Variants in KIF4A observed in about 807,000 individuals in gnomAD.
KIF4A encodes the protein chromosome-associated kinesin KIF4A.
Under a neutral mutation model 105.9 loss-of-function variants are expected in KIF4A, and 7 were observed. The observed-to-expected ratio is 0.07, with a 90% CI of 0.04 to 0.12. KIF4A has a LOEUF of 0.12. Ranked by LOEUF, KIF4A falls within the 10% of genes least tolerant of loss-of-function variation. The probability of loss-of-function intolerance (pLI) is 1.00; values close to 1 mark genes in which losing one functional copy is unlikely to be tolerated. For missense variants in KIF4A, 558 were observed against 929.2 expected (o/e 0.60, Z 5.19); for synonymous variants, 281 against 331.3 (o/e 0.85, Z 1.65).
At chrX:70,369,707 T>A (rs1443657574) in intron 15 of KIF4A, among the ~76,000 whole-genome samples, 6 of 111,632 alleles carry the variant, frequency 5.4e-5, no homozygotes. Context: ...CATGACTAAT[T>A]AAGTTAAAAA....
rs760250489 is a variant in KIF4A at position 70,389,300 on chromosome X, C to G, written c.2232+2003C>G. ...ATATTTGTCTGGCCAGGCTCAGTGGCTCATGCCTGTAATCCCAGCACTTTG... is the reference window on the plus strand; with the variant it reads ...ATATTTGTCTGGCCAGGCTCAGTGGGTCATGCCTGTAATCCCAGCACTTTG... On this transcript the variant is annotated intron_variant, in intron 20 of 30. Transcript: ENST00000374403. 3.9e-4 allele frequency among the ~76,000 whole-genome samples: 44 copies of G among 111,824 alleles called. 1 individual carries two copies. Among genetic ancestry groups the G allele is most frequent in the Non-Finnish European group, 7.1e-4 (38 of 53,148 alleles).
At chrX:70,380,029 G>A (rs1450215979) in intron 18 of KIF4A, among the ~76,000 whole-genome samples, 1 of 111,729 alleles carries the variant, frequency 9.0e-6, no homozygotes, top group East Asian at 2.8e-4. Context: ...TAGGCTGGGC[G>A]TGGTGACTCA....
At chrX:70,365,246 T>C (rs997688843) in intron 15 of KIF4A, among the ~76,000 whole-genome samples, 160 of 111,778 alleles carry the variant, frequency 1.4e-3, no homozygotes, top group African/African-American at 4.8e-3. Context: ...CCTTCTCCTG[T>C]CTGATTTCCC....
intron 15 of KIF4A, among the ~76,000 whole-genome samples, chrX:70,372,397 T>C (rs2086142377): frequency 8.9e-6 from 1 of 112,772 alleles, no homozygotes; most frequent in African/African-American, 3.2e-5. Flanking sequence ...TCCCGGCACC[T>C]CGGGAGGCCG....
Position 70,362,914 on chromosome X carries a change from T to G in KIF4A, c.1674+9107T>G, listed in dbSNP as rs188363474. Among the ~76,000 whole-genome samples the G allele has an allele frequency of 4.1e-3, 453 of 111,346 alleles. 3 individuals carry two copies. Among genetic ancestry groups the G allele is most frequent in the African/African-American group, 0.014 (432 of 30,653 alleles). ...TTTTTTCTCTAAGAAATAAAAGCAG[T>G]TTTTAATTCAATTATTTATTTATCT... On this transcript the variant is annotated intron_variant, in intron 15 of 30. Coordinates refer to ENST00000374403, the MANE Select transcript of KIF4A (RefSeq NM_012310.5).
intron 7 of KIF4A, among the ~76,000 whole-genome samples, chrX:70,323,857 C>T (rs1032136819): frequency 1.2e-5 from 1 of 86,252 alleles, no homozygotes; most frequent in Admixed American, 1.3e-4. Context: ...TATTTGAGAC[C>T]GAGTCTTGCT....
chrX:70,325,763 A>G (rs1157202211), intron 7 of KIF4A, among the ~76,000 whole-genome samples: 1 of 105,650 alleles, frequency 9.5e-6, no homozygotes, highest in Admixed American at 1.0e-4. Flanking sequence ...CTGAGTCCCC[A>G]AAGTCCATTA....
At chrX:70,375,573 A>G (rs1238081160) in intron 17 of KIF4A, among the ~76,000 whole-genome samples, 1 of 111,910 alleles carries the variant, frequency 8.9e-6, no homozygotes, top group Non-Finnish European at 1.9e-5. Flanking sequence ...TTAATGTTAG[A>G]GTCTCTGAAA....
At chrX:70,333,542 T>C in intron 9 of KIF4A, 86 bp from the exon 10 acceptor site, 2 of 635,373 alleles carry the variant, frequency 3.1e-6, no homozygotes, top group Non-Finnish European at 5.3e-6. Flanking sequence ...AAAATTACTT[T>C]ATTGCTAATT....
At chrX:70,334,597 G>T (rs1462060908) in intron 10 of KIF4A, among the ~76,000 whole-genome samples, 1 of 112,406 alleles carries the variant, frequency 8.9e-6, no homozygotes, top group Non-Finnish European at 1.9e-5. Flanking sequence ...ATAGATTACA[G>T]CATTTATGTA....
intron 7 of KIF4A, among the ~76,000 whole-genome samples, chrX:70,325,595 T>A (rs1254117820): frequency 9.0e-6 from 1 of 111,176 alleles, no homozygotes; most frequent in East Asian, 2.8e-4. Flanking sequence ...TTCTTTTTTT[T>A]AATTTCAATA....
At chrX:70,299,274 A>G in intron 5 of KIF4A, 72 bp downstream of exon 5, 1 of 844,245 alleles carries the variant, frequency 1.2e-6, no homozygotes, top group Non-Finnish European at 1.7e-6. Context: ...CATCCCTTTT[A>G]TCTGCCACTG....
At chrX:70,341,715 G>T in intron 10 of KIF4A, 84 bp from the exon 11 acceptor site, 1 of 1,009,502 alleles carries the variant, frequency 9.9e-7, no homozygotes, top group Non-Finnish European at 1.3e-6. Context: ...TATCCAAAAG[G>T]CCTATGGGAT....
intron 28 of KIF4A, among the ~76,000 whole-genome samples, chrX:70,410,593 G>C (rs1348237443): frequency 8.9e-6 from 1 of 111,883 alleles, no homozygotes; most frequent in Non-Finnish European, 1.9e-5. Context: ...TTTTTCCACG[G>C]ACTGGTTGTG....
At chrX:70,344,086 T>G (rs1466394886) in intron 13 of KIF4A, 104 bp downstream of exon 13, 2 of 568,112 alleles carry the variant, frequency 3.5e-6, no homozygotes, top group Non-Finnish European at 5.8e-6. Context: ...AACAACTAGA[T>G]TGTGAGCCGC....
chrX:70,346,459 C>T (rs759833940), intron 13 of KIF4A, among the ~76,000 whole-genome samples: 1 of 111,233 alleles, frequency 9.0e-6, no homozygotes, highest in South Asian at 3.8e-4. Context: ...TCTGGGGCTT[C>T]GAGTCACATA....
rs147779393 is a variant in KIF4A, at chrX:70,354,219, T to C, written c.1674+412T>C. Among the ~76,000 whole-genome samples the C allele has an allele frequency of 5.1e-3, 573 of 112,861 alleles. 7 individuals are homozygous for C. Among genetic ancestry groups the C allele is most frequent in the African/African-American group, 0.018 (557 of 31,118 alleles). On this transcript the variant is annotated intron_variant, in intron 15 of 30. Coordinates refer to ENST00000374403, the MANE Select transcript of KIF4A (RefSeq NM_012310.5). Reference sequence around the variant, plus strand: ...TGGCTAAACTTTTTTCTGATGATAGTTCTAAGTGGCCTTTGCCAATTAATA... The same window carrying C: ...TGGCTAAACTTTTTTCTGATGATAGCTCTAAGTGGCCTTTGCCAATTAATA...
At chrX:70,379,581 A>T (rs967139513) in intron 18 of KIF4A, among the ~76,000 whole-genome samples, 7 of 111,131 alleles carry the variant, frequency 6.3e-5, no homozygotes, top group African/African-American at 2.3e-4. Context: ...ACCTGAGGTC[A>T]GGAATTCGAG....
intron 1 of KIF4A, 48 bp downstream of exon 1, chrX:70,290,198 A>G (rs2085752110): frequency 6.3e-6 from 2 of 316,375 alleles, no homozygotes; most frequent in African/African-American, 2.7e-5. Context: ...TTTACCCAGT[A>G]CCCTAGGGCT....
Sources: allele counts gnomAD v4.1 joint callset (sites outside exome capture counted in the v4.1 genomes callset), GRCh38; gene constraint gnomAD v4.1.1; transcripts MANE v1.5; gene names NCBI Gene and HGNC (gene_info 2026-07-23, HGNC 2026-07-21).